PMFBP1: variants seen among roughly 807,000 people sequenced by gnomAD.
PMFBP1 encodes the protein polyamine modulated factor 1 binding protein 1.
Under a neutral mutation model 137.8 loss-of-function variants are expected in PMFBP1, and 131 were observed. The ratio of observed to expected loss-of-function variants is 0.95; its 90% CI spans 0.82 to 1.10. The LOEUF (loss-of-function observed/expected upper bound fraction) is 1.10, where lower values mean the gene tolerates loss of function less well. Among genes scored for constraint, PMFBP1 ranks in the 50% least tolerant of loss-of-function variants. The probability of loss-of-function intolerance (pLI) is 0.00; values close to 1 mark genes in which losing one functional copy is unlikely to be tolerated. For missense variants in PMFBP1, 1,199 were observed against 1,175.4 expected (o/e 1.02, Z -0.29); for synonymous variants, 490 against 450.4 (o/e 1.09, Z -1.11).
At chr16:72,222,519 G>A in the PMFBP1 span, among the ~76,000 whole-genome samples, 1 of 152,158 alleles carries the variant, frequency 6.6e-6, no homozygotes, top group Non-Finnish European at 1.5e-5. Flanking sequence ...TGCTGGTTAA[G>A]TCACTGCAAA....
chr16:72,245,057 G>C, the PMFBP1 span, among the ~76,000 whole-genome samples: 1 of 152,142 alleles, frequency 6.6e-6, no homozygotes, highest in Non-Finnish European at 1.5e-5. Flanking sequence ...TGTAATCCTG[G>C]TGGGGGCAGT....
chr16:72,221,883 C>A, the PMFBP1 span, among the ~76,000 whole-genome samples: 85 of 152,242 alleles, frequency 5.6e-4, no homozygotes, highest in Middle Eastern at 0.01. Flanking sequence ...TCAGTGATGA[C>A]CACATGTTCC....
Position 72,124,639 on chromosome 16 carries a change from G to T in PMFBP1, c.2589+128C>A, listed in dbSNP as rs1414809900. 1.4e-5 allele frequency: 16 copies of T among 1,142,180 alleles called. No homozygotes were observed. The Admixed American group carries it at 3.4e-4, about 24-fold the overall frequency. The allele number at this position is 1,142,180 out of a possible 1,614,324, so 70.8% of individuals were successfully genotyped here. A position where few individuals can be genotyped will look rare whatever the true frequency, so the allele number is the denominator to read the frequency against. ...CTGTGGCTCTTGCTTTGTGCTAAAT[G>T]GAGGGGGTGACCTTTCCTTTGCTCC... is the stretch of plus-strand genomic sequence containing the variant. On this transcript the variant is annotated intron_variant, in intron 17 of 20. Transcript: ENST00000237353.
At chr16:72,184,183 C>G in the PMFBP1 span, among the ~76,000 whole-genome samples, 1 of 152,174 alleles carries the variant, frequency 6.6e-6, no homozygotes, top group Non-Finnish European at 1.5e-5. Context: ...TCTTCCTGGT[C>G]TTGTCCTCCC....
rs904136164 is a variant in PMFBP1, at chr16:72,154,101, G to A, written c.414+110C>T. 21 of 1,401,400 alleles carry A rather than the reference G, an allele frequency of 1.5e-5. No homozygotes were observed. In the East Asian group the frequency reaches 3.5e-4, roughly 23 times the overall value. The allele number at this position is 1,401,400 out of a possible 1,614,324, so 86.8% of individuals were successfully genotyped here. A position where few individuals can be genotyped will look rare whatever the true frequency, so the allele number is the denominator to read the frequency against. ...GGGGGAAGGTTTATAAAACCTGCTC[G>A]GGATGTTGCAAAGCTCTCCTAAGTC... is the stretch of plus-strand genomic sequence containing the variant. On this transcript the variant is annotated intron_variant, in intron 4 of 20. Transcript: ENST00000237353.
upstream of PMFBP1, among the ~76,000 whole-genome samples, chr16:72,181,434 T>G (rs890429945): frequency 1.3e-5 from 2 of 152,170 alleles, no homozygotes; most frequent in Admixed American, 6.5e-5. Flanking sequence ...TTTTTCTCAT[T>G]GCTTCACAAG....
the PMFBP1 span, among the ~76,000 whole-genome samples, chr16:72,198,087 CATAA>C: frequency 6.6e-6 from 1 of 152,020 alleles, no homozygotes; most frequent in South Asian, 2.1e-4. Flanking sequence ...TTGCCTTTTT[CATAA>C]ATAAATATTT....
intron 2 of PMFBP1, among the ~76,000 whole-genome samples, chr16:72,165,782 C>T (rs920833917): frequency 6.6e-5 from 10 of 151,972 alleles, no homozygotes; most frequent in East Asian, 3.9e-4. Flanking sequence ...GGGCTGGTGG[C>T]GTAAGATTTC....
chr16:72,132,847 G>A lies in PMFBP1; in HGVS notation c.1348C>T (p.Gln450Ter). The change falls in exon 10 of 21, where the codon CAG becomes TAG. Residue 450 changes from glutamine to a stop codon, truncating the protein, a stop_gained. Coordinates refer to ENST00000237353, the MANE Select transcript of PMFBP1 (RefSeq NM_031293.3). LOFTEE classifies it high-confidence loss of function. ...CACTCCGCCTCCTTGGACTTGTCCT[G>A]CTTAGCCTCCTTGACTGTCATTTCA... ...ELEMTVKEAK[Q>*]DKSKEAECKA... 1 of 1,614,202 alleles carries A rather than the reference G, an allele frequency of 6.2e-7. No homozygotes were observed. Among genetic ancestry groups the A allele is most frequent in the Non-Finnish European group, 8.5e-7 (1 of 1,180,034 alleles).
the PMFBP1 span, among the ~76,000 whole-genome samples, chr16:72,208,049 T>G: frequency 1.3e-5 from 2 of 152,184 alleles, no homozygotes; most frequent in Admixed American, 1.3e-4. Flanking sequence ...GGTCTGAATT[T>G]TTGGCCTTCC....
At chr16:72,141,967 T>C (rs2042730081) in intron 5 of PMFBP1, among the ~76,000 whole-genome samples, 1 of 151,672 alleles carries the variant, frequency 6.6e-6, no homozygotes, top group Admixed American at 6.6e-5. Context: ...ACTGCCCTCT[T>C]ATTGGTTCAC....
chr16:72,150,796 T>A lies in PMFBP1; in HGVS notation c.448A>T (p.Asn150Tyr). ...ILYEEEMGNH[N>Y]ENTGEKLHLA... ...TGGAGCTTCTCCCCTGTGTTCTCGT[T>A]GTGATTTCCCATTTCCTCCTCATAG... Residue 150 changes from asparagine to tyrosine, a missense_variant, in exon 5 of 21, where the codon AAC (asparagine) becomes TAC (tyrosine). Physicochemically the swap from Asn to Tyr is moderately radical, Grantham distance 143. Transcript: ENST00000237353. 1 of 1,614,138 alleles carries A rather than the reference T, an allele frequency of 6.2e-7. No individual in the cohort carries two copies.
chr16:72,246,478 T>C, the PMFBP1 span, among the ~76,000 whole-genome samples: 2 of 152,050 alleles, frequency 1.3e-5, no homozygotes, highest in African/African-American at 2.4e-5. Context: ...TGGCCTCACC[T>C]GCCATTTCAG....
intron 9 of PMFBP1, among the ~76,000 whole-genome samples, chr16:72,136,018 G>A (rs1002061005): frequency 1.3e-5 from 2 of 151,930 alleles, no homozygotes; most frequent in African/African-American, 2.4e-5. Context: ...GCCTCTTAAA[G>A]TGCTGGGATT....
chr16:72,233,315 G>A, the PMFBP1 span, among the ~76,000 whole-genome samples: 1 of 152,036 alleles, frequency 6.6e-6, no homozygotes, highest in Non-Finnish European at 1.5e-5. Context: ...TGAGTACTGA[G>A]GGATCCACAA....
chr16:72,223,106 T>C, the PMFBP1 span, among the ~76,000 whole-genome samples: 1 of 152,050 alleles, frequency 6.6e-6, no homozygotes, highest in Non-Finnish European at 1.5e-5. Flanking sequence ...GGGCAAGAAC[T>C]GGGGGGAAGT....
intron 5 of PMFBP1, among the ~76,000 whole-genome samples, chr16:72,141,118 G>A (rs2042715378): frequency 6.6e-6 from 1 of 151,756 alleles, no homozygotes; most frequent in African/African-American, 2.4e-5. Flanking sequence ...TGTATTTTTA[G>A]TAGAGACAGG....
chr16:72,206,406 A>C, the PMFBP1 span, among the ~76,000 whole-genome samples: 1 of 152,230 alleles, frequency 6.6e-6, no homozygotes, highest in African/African-American at 2.4e-5. Context: ...ACTCGTGGCC[A>C]TGACATCAGC....
the PMFBP1 span, among the ~76,000 whole-genome samples, chr16:72,211,941 G>C: frequency 2.6e-5 from 4 of 152,244 alleles, no homozygotes; most frequent in South Asian, 8.3e-4. Flanking sequence ...AGGTTGCAGT[G>C]AGCTGAGATC....
Sources: gnomAD v4.1 joint callset for allele counts (sites outside exome capture counted in the v4.1 genomes callset) on GRCh38, gnomAD v4.1.1 for gene constraint, MANE v1.5 for transcripts, NCBI Gene and HGNC (gene_info 2026-07-23, HGNC 2026-07-21) for gene names.